The following CAMTA1 variants were observed in gnomAD, a reference collection of about 807,000 sequenced individuals.
The protein encoded by CAMTA1 is calmodulin binding transcription activator 1, also known as calmodulin-binding transcription activator 1.
Under a neutral mutation model 170.9 loss-of-function variants are expected in CAMTA1, and 27 were observed. The ratio of observed to expected loss-of-function variants is 0.16; its 90% CI spans 0.12 to 0.22. The LOEUF (loss-of-function observed/expected upper bound fraction) is 0.22. CAMTA1 is among the 10% of genes least tolerant of loss of function. The pLI is 1.00. For missense variants in CAMTA1, 1,619 were observed against 2,217.2 expected, an observed-to-expected ratio of 0.73 and a Z score of 5.42; for synonymous variants, 833 against 891.5, an observed-to-expected ratio of 0.93 and a Z score of 1.17.
intron 11 of CAMTA1, among the ~76,000 whole-genome samples, chr1:7,711,743 G>A (rs935911836): frequency 2.6e-5 from 4 of 152,164 alleles, no homozygotes; most frequent in East Asian, 1.9e-4. Context: ...TGAAAGAAGC[G>A]ATGTCACTCT....
At chr1:7,655,178 C>A (rs1431891722) in intron 7 of CAMTA1, among the ~76,000 whole-genome samples, 2 of 129,446 alleles carry the variant, frequency 1.5e-5, no homozygotes, top group Non-Finnish European at 1.6e-5. Flanking sequence ...CCACACACAC[C>A]TATACACAAA....
rs1298982200 is a variant in CAMTA1 at position 7,044,480 on chromosome 1, T to G, written c.235-46824T>G. On this transcript the variant is annotated intron_variant, in intron 3 of 22. Coordinates refer to ENST00000303635, the MANE Select transcript of CAMTA1 (RefSeq NM_015215.4). This position sits in a 1 kb window ranked among gnomAD's most constrained non-coding sequence, Gnocchi z 5.0. ...GGGACCCAGATCATGCCCCTCTGCA[T>G]GTAACCGATGGCACAAACACCAGGC... Among the ~76,000 whole-genome samples, 1 of 152,288 alleles carries G rather than the reference T, an allele frequency of 6.6e-6. No homozygotes were observed. Among genetic ancestry groups the G allele is most frequent in the African/African-American group, 2.4e-5 (1 of 41,576 alleles).
At chr1:7,643,713 A>G (rs374833007) in intron 7 of CAMTA1, among the ~76,000 whole-genome samples, 26 of 152,244 alleles carry the variant, frequency 1.7e-4, no homozygotes, top group African/African-American at 6.0e-4. Flanking sequence ...ATCTAATAAC[A>G]CTCAGCTCTC....
chr1:6,965,745 TGC>T lies in CAMTA1; in HGVS notation c.235-125558_235-125557del, dbSNP rs1413942798. On this transcript the variant is annotated intron_variant, in intron 3 of 22. Coordinates refer to ENST00000303635, the MANE Select transcript of CAMTA1 (RefSeq NM_015215.4). This position sits in a 1 kb window ranked among gnomAD's most constrained non-coding sequence, Gnocchi z 4.1. ...TCGCTTTGGGAGTTATTAGAGTTAG[TGC>T]CGGTTGTGACAAAAGCTGCATTTGC... 1.3e-5 allele frequency among the ~76,000 whole-genome samples: 2 copies of T among 152,232 alleles called. No individual in the cohort carries two copies. Among genetic ancestry groups the T allele is most frequent in the African/African-American group, 4.8e-5 (2 of 41,462 alleles).
chr1:6,996,952 A>G (rs1697355808), intron 3 of CAMTA1, among the ~76,000 whole-genome samples: 1 of 152,234 alleles, frequency 6.6e-6, no homozygotes, highest in East Asian at 1.9e-4. Flanking sequence ...TAAGTGTTCA[A>G]AAATTTCCCT....
chr1:7,479,200 C>T (rs902446904), intron 6 of CAMTA1, among the ~76,000 whole-genome samples: 4 of 152,204 alleles, frequency 2.6e-5, no homozygotes, highest in Admixed American at 6.5e-5. Flanking sequence ...CAGTGGCTCT[C>T]GGGATGCAGG....
rs1424880600 is a variant in CAMTA1, at chr1:7,113,904, A to G, written c.302+22533A>G. On this transcript the variant is annotated intron_variant, in intron 4 of 22. Coordinates refer to ENST00000303635, the MANE Select transcript of CAMTA1 (RefSeq NM_015215.4). The surrounding 1 kb of genome is among the most constrained non-coding windows in gnomAD (Gnocchi z 4.5). ...GTCAGATGGTGAAATACACACAGGA[A>G]ACCTTGGCTTTGTGGCCGTATTGGT... Among the ~76,000 whole-genome samples the G allele has an allele frequency of 2.6e-5, 4 of 152,184 alleles. No homozygotes were observed. The highest frequency in any genetic ancestry group is 5.9e-5 in the Non-Finnish European group (4 of 68,034).
At chr1:7,153,906 C>G (rs1646718764) in intron 4 of CAMTA1, among the ~76,000 whole-genome samples, 1 of 152,192 alleles carries the variant, frequency 6.6e-6, no homozygotes, top group Admixed American at 6.5e-5. Context: ...AAACAAAGAC[C>G]AAAGGAACCA....
intron 3 of CAMTA1, among the ~76,000 whole-genome samples, chr1:7,030,746 A>G (rs961529128): frequency 1.3e-5 from 2 of 152,176 alleles, no homozygotes; most frequent in Admixed American, 6.5e-5. Context: ...TGTGCATGTG[A>G]AAAGAATGTG....
chr1:7,627,502 G>A (rs373413140), intron 6 of CAMTA1, among the ~76,000 whole-genome samples: 1 of 152,226 alleles, frequency 6.6e-6, no homozygotes, highest in Non-Finnish European at 1.5e-5. Context: ...TTCAAATGCT[G>A]TATCTTGTTT....
rs1644207519 is a variant in CAMTA1 at position 7,113,905 on chromosome 1, A to G, written c.302+22534A>G. 6.6e-6 allele frequency among the ~76,000 whole-genome samples: 1 copy of G among 152,004 alleles called. No individual in the cohort carries two copies. Among genetic ancestry groups the G allele is most frequent in the African/African-American group, 2.4e-5 (1 of 41,380 alleles). The stretch of plus-strand genomic sequence containing the variant: ...TCAGATGGTGAAATACACACAGGAA[A>G]CCTTGGCTTTGTGGCCGTATTGGTC... On this transcript the variant is annotated intron_variant, in intron 4 of 22. Transcript: ENST00000303635. This position sits in a 1 kb window ranked among gnomAD's most constrained non-coding sequence, Gnocchi z 4.5.
At chr1:7,227,236 T>A (rs574484310) in intron 4 of CAMTA1, among the ~76,000 whole-genome samples, 1 of 152,348 alleles carries the variant, frequency 6.6e-6, no homozygotes, top group East Asian at 1.9e-4. Context: ...CCCAAATTAG[T>A]GGGACCAACC....
chr1:7,538,034 C>T (rs6577449), intron 6 of CAMTA1, among the ~76,000 whole-genome samples: 24,501 of 152,100 alleles, frequency 0.16, 3,710 homozygotes, highest in African/African-American at 0.39. Flanking sequence ...AAATGTGTTA[C>T]GATCAGAGGC....
intron 5 of CAMTA1, among the ~76,000 whole-genome samples, chr1:7,461,919 T>C (rs2093098133): frequency 6.6e-6 from 1 of 152,238 alleles, no homozygotes; most frequent in African/African-American, 2.4e-5. Context: ...GTCCATGATC[T>C]CCCATACGCC....
chr1:6,949,992 G>C (rs1688204404), intron 3 of CAMTA1, among the ~76,000 whole-genome samples: 1 of 152,276 alleles, frequency 6.6e-6, no homozygotes, highest in Admixed American at 6.5e-5. Flanking sequence ...GGCAGAGCCA[G>C]AATGGGCTCT....
intron 3 of CAMTA1, among the ~76,000 whole-genome samples, chr1:6,981,404 G>A (rs1437122571): frequency 6.6e-6 from 1 of 152,052 alleles, no homozygotes; most frequent in Non-Finnish European, 1.5e-5. Context: ...TTCTTACTCT[G>A]TACAATTTTG....
At chr1:6,941,593 G>C (rs1446900900) in intron 3 of CAMTA1, among the ~76,000 whole-genome samples, 1 of 152,230 alleles carries the variant, frequency 6.6e-6, no homozygotes, top group Non-Finnish European at 1.5e-5. Context: ...TTAATGAGCA[G>C]GTTAGCGCCG....
At chr1:7,111,944 A>C (rs1027350404) in intron 4 of CAMTA1, among the ~76,000 whole-genome samples, 2 of 150,160 alleles carry the variant, frequency 1.3e-5, no homozygotes, top group African/African-American at 4.9e-5. Context: ...CTGCTGTAAG[A>C]TGAACTGAGC....
chr1:7,087,036 C>T (rs1363902523), intron 3 of CAMTA1, among the ~76,000 whole-genome samples: 3 of 152,190 alleles, frequency 2.0e-5, no homozygotes, highest in East Asian at 1.9e-4. Flanking sequence ...GGCCTGGCTC[C>T]GCCATGAACA....
Sources: allele counts gnomAD v4.1 joint callset (sites outside exome capture counted in the v4.1 genomes callset), GRCh38; gene constraint gnomAD v4.1.1; non-coding constraint Gnocchi (gnomAD v3.1); transcripts MANE v1.5; gene names NCBI Gene and HGNC (gene_info 2026-07-23, HGNC 2026-07-21).